The following CYFIP1 variants were observed in gnomAD, a reference collection of about 807,000 sequenced individuals.
CYFIP1 encodes cytoplasmic FMR1 interacting protein 1, also known as cytoplasmic FMR1-interacting protein 1.
In CYFIP1, 58 loss-of-function variants were observed where a neutral mutation model predicts 163.5. That is an observed-to-expected ratio of 0.35 (90% confidence interval 0.29 to 0.44). The LOEUF (loss-of-function observed/expected upper bound fraction) is 0.44. CYFIP1 is among the 20% of genes least tolerant of loss of function. The probability of loss-of-function intolerance (pLI) is 1.00; values close to 1 mark genes in which losing one functional copy is unlikely to be tolerated. For synonymous variants in CYFIP1, 663 were observed against 660.7 expected, an observed-to-expected ratio of 1.00 and a Z score of -0.05; for missense variants, 1,338 against 1,653.8, an observed-to-expected ratio of 0.81 and a Z score of 3.31.
rs781208205 is a variant in CYFIP1, at chr15:22,912,293, A to G, written c.1986-18T>C. Reference sequence around the variant, plus strand: ...GCACGTACCTGCAGAGGACAGCAGCAGTGTGACCAGCAGCCTCTGCCACTC... The same window carrying G: ...GCACGTACCTGCAGAGGACAGCAGCGGTGTGACCAGCAGCCTCTGCCACTC... On this transcript the variant is annotated intron_variant, in intron 17 of 30. Transcript: ENST00000617928. 1.3e-6 allele frequency: 2 copies of G among 1,584,432 alleles called. No individual in the cohort carries two copies. Among genetic ancestry groups the G allele is most frequent in the East Asian group, 4.6e-5 (2 of 43,804 alleles).
In CYFIP1 at chr15:22,894,803, GTATT is replaced by G. The variant is rs1335263162; in HGVS notation, c.2589-1830_2589-1827del. On this transcript the variant is annotated intron_variant, in intron 22 of 30. Coordinates refer to ENST00000617928, the MANE Select transcript of CYFIP1 (RefSeq NM_014608.6). ...ATATATGATACATAACATAATACAT[GTATT>G]TATTCTATATAATTATATATATACA... Among the ~76,000 whole-genome samples, 57 of 146,058 alleles carry G rather than the reference GTATT, an allele frequency of 3.9e-4. 3 individuals are homozygous for G. The South Asian group carries it at 0.01, about 26-fold the overall frequency.
At chr15:22,874,930 C>T (rs145434704) in intron 27 of CYFIP1, among the ~76,000 whole-genome samples, 82 of 152,274 alleles carry the variant, frequency 5.4e-4, no homozygotes, top group African/African-American at 1.9e-3. Context: ...TAATTATCAA[C>T]TCATGGCCAC....
intron 9 of CYFIP1, among the ~76,000 whole-genome samples, chr15:22,936,694 G>T (rs2061721955): frequency 6.6e-6 from 1 of 152,166 alleles, no homozygotes; most frequent in South Asian, 2.1e-4. Flanking sequence ...GCACTGTTTG[G>T]ACGCGCCAAA....
chr15:22,915,929 ATT>A (rs995701519), intron 16 of CYFIP1, among the ~76,000 whole-genome samples: 5 of 152,142 alleles, frequency 3.3e-5, no homozygotes, highest in Admixed American at 3.3e-4. Flanking sequence ...AAGTGGTACT[ATT>A]TCCTCCAATA....
rs2059374624 is a variant in CYFIP1 at position 22,869,883 on chromosome 15, A to ATT, written c.*144_*145insAA. 1 of 672,964 alleles carries ATT rather than the reference A, an allele frequency of 1.5e-6. No individual in the cohort carries two copies. The highest frequency in any genetic ancestry group is 4.6e-5 in the South Asian group (1 of 21,874). 41.7% of individuals were successfully genotyped at this position (672,964 alleles called of 1,614,324 possible). A position where few individuals can be genotyped will look rare whatever the true frequency, so the allele number is the denominator to read the frequency against. On this transcript the variant is annotated 3_prime_UTR_variant, in exon 31 of 31. Coordinates refer to ENST00000617928, the MANE Select transcript of CYFIP1 (RefSeq NM_014608.6). Reference sequence around the variant, plus strand: ...CAATTTTAGTCTAGAAAAATAAGTCAATTTTATAAAATTAAGTTTTTAGAT... The same window carrying ATT: ...CAATTTTAGTCTAGAAAAATAAGTCATTATTTTATAAAATTAAGTTTTTAGAT...
intron 1 of CYFIP1, among the ~76,000 whole-genome samples, chr15:22,958,134 C>T (rs1263993165): frequency 6.8e-6 from 1 of 146,182 alleles, no homozygotes; most frequent in Non-Finnish European, 1.5e-5. Flanking sequence ...TCGTTCTTGT[C>T]ACCCGGGCTG....
At chr15:22,944,279 G>T (rs1175061014) in intron 5 of CYFIP1, among the ~76,000 whole-genome samples, 2 of 142,418 alleles carry the variant, frequency 1.4e-5, no homozygotes, top group East Asian at 4.0e-4. Flanking sequence ...CTGGCAAAAA[G>T]TCAAAGCATT....
Position 22,870,071 on chromosome 15 carries a change from C to T in CYFIP1, c.3719G>A (p.Arg1240His), listed in dbSNP as rs748580572. The T allele has an allele frequency of 1.1e-5, 18 of 1,611,356 alleles. No individual in the cohort carries two copies. Among genetic ancestry groups the T allele is most frequent in the African/African-American group, 5.4e-5 (4 of 74,708 alleles). ...DGEGTPVEHV[R>H]CFQPPIHQSL... ...CTGGTGGATGGGCGGCTGGAAGCAG[C>T]GCACATGCTCCACTGGCGTGCCCTC... The change falls in exon 31 of 31, where the codon CGC becomes CAC. Residue 1240 changes from arginine (R) to histidine (H), a missense_variant. Physicochemically the swap from Arg to His is conservative, Grantham distance 29. Around this residue, in one of 4 missense-constraint regions of CYFIP1, gnomAD observed 306 missense variants for 322.1 expected, o/e 0.95. Transcript: ENST00000617928.
rs369755553 is a variant in CYFIP1, at chr15:22,958,951, T to C, written c.-6-11660A>G. On this transcript the variant is annotated intron_variant, in intron 1 of 30. Transcript: ENST00000617928. ...CACAGAATAAAGTCTCAATCGCTCA[T>C]AGAACACCCAAGGGCCTCCCTCCAT... 3.3e-5 allele frequency among the ~76,000 whole-genome samples: 5 copies of C among 152,302 alleles called. No individual in the cohort carries two copies. In the South Asian group the frequency reaches 8.3e-4, roughly 25 times the overall value.
Position 22,917,758 on chromosome 15 carries a change from G to A in CYFIP1, c.1674+30C>T, listed in dbSNP as rs753561853. 4.0e-6 allele frequency: 1 copy of A among 250,118 alleles called. No homozygotes were observed. 15.5% of individuals were successfully genotyped at this position (250,118 alleles called of 1,614,324 possible). A position where few individuals can be genotyped will look rare whatever the true frequency, so the allele number is the denominator to read the frequency against. ...CTCAGGGTGGGTCCCCCCAGGGAGA[G>A]GGTGCAGGCGGGGCTCAAGGGACGA... On this transcript the variant is annotated intron_variant, in intron 15 of 30. Transcript: ENST00000617928. This position sits in a 1 kb window ranked among gnomAD's most constrained non-coding sequence, Gnocchi z 4.2.
chr15:22,897,704 G>A (rs2060280180), intron 22 of CYFIP1, among the ~76,000 whole-genome samples: 1 of 151,970 alleles, frequency 6.6e-6, no homozygotes, highest in Non-Finnish European at 1.5e-5. Flanking sequence ...GGCTGGTCTC[G>A]AACTCCTGAC....
chr15:22,946,870 A>G (rs751617197), intron 3 of CYFIP1, 133 bp downstream of exon 3: 1 of 794,204 alleles, frequency 1.3e-6, no homozygotes, highest in African/African-American at 1.7e-5. Flanking sequence ...TCTTAAAAAT[A>G]TAAGGCATTT....
intron 1 of CYFIP1, among the ~76,000 whole-genome samples, chr15:22,963,388 G>T (rs2062755529): frequency 6.6e-6 from 1 of 152,044 alleles, no homozygotes; most frequent in African/African-American, 2.4e-5. Context: ...TACTCAAGAG[G>T]CTGAGGCAGG....
chr15:22,909,711 C>T lies in CYFIP1; in HGVS notation c.2269-398G>A, dbSNP rs918432547. 2.0e-5 allele frequency among the ~76,000 whole-genome samples: 3 copies of T among 151,800 alleles called. No individual in the cohort carries two copies. The South Asian group carries it at 6.3e-4, about 32-fold the overall frequency. On this transcript the variant is annotated intron_variant, in intron 20 of 30. Coordinates refer to ENST00000617928, the MANE Select transcript of CYFIP1 (RefSeq NM_014608.6). ...GTTTTGTGTGTGTAATGTAACATCA[C>T]TTTTAATTTTTAATTTTTTTTCTTT...
chr15:22,918,340 A>C (rs1489831231), intron 14 of CYFIP1, among the ~76,000 whole-genome samples: 2 of 152,104 alleles, frequency 1.3e-5, no homozygotes, highest in Non-Finnish European at 2.9e-5. Context: ...GAGCCTGGCC[A>C]TGTCTCTCGA....
At chr15:22,976,162 CTT>C (rs1018847377) in intron 1 of CYFIP1, among the ~76,000 whole-genome samples, 9 of 144,388 alleles carry the variant, frequency 6.2e-5, no homozygotes, top group Non-Finnish European at 7.7e-5. Flanking sequence ...ATTTAATTTT[CTT>C]TTTTTTTTTT....
intron 18 of CYFIP1, among the ~76,000 whole-genome samples, 185 bp downstream of exon 18, chr15:22,911,994 G>T (rs1402586189): frequency 6.6e-6 from 1 of 152,196 alleles, no homozygotes; most frequent in African/African-American, 2.4e-5. Flanking sequence ...ACGGTCAAGT[G>T]AAAAAGCGCA....
chr15:22,934,488 T>C (rs1191516435), intron 9 of CYFIP1, among the ~76,000 whole-genome samples: 1 of 40,136 alleles, frequency 2.5e-5, no homozygotes, highest in East Asian at 3.9e-4. Flanking sequence ...CCCAGCCCTT[T>C]TTTTTTTTTT....
At chr15:22,882,847 G>A (rs1428117894) in intron 24 of CYFIP1, 21 bp downstream of exon 24, 1 of 1,602,508 alleles carries the variant, frequency 6.2e-7, no homozygotes, top group East Asian at 2.2e-5. Context: ...TGTGAAAGAA[G>A]CATGTCCAGG....
Sources: allele counts gnomAD v4.1 joint callset (sites outside exome capture counted in the v4.1 genomes callset), GRCh38; gene constraint gnomAD v4.1.1; regional missense constraint gnomAD v4.1.1; non-coding constraint Gnocchi (gnomAD v3.1); transcripts MANE v1.5; gene names NCBI Gene and HGNC (gene_info 2026-07-23, HGNC 2026-07-21).